Variants in C19orf38 observed in about 807,000 individuals in gnomAD.
C19orf38 encodes the protein protein HIDE1.
In C19orf38, 14 loss-of-function variants were observed where a neutral mutation model predicts 26.6. The observed-to-expected ratio is 0.53, with a 90% confidence interval of 0.35 to 0.82. C19orf38 has a LOEUF of 0.82. Ranked by LOEUF, C19orf38 falls within the 40% of genes least tolerant of loss-of-function variation. The pLI is 0.01. For synonymous variants in C19orf38, 132 were observed against 128.5 expected, an observed-to-expected ratio of 1.03 and a Z score of -0.18; for missense variants, 261 against 299.5, an observed-to-expected ratio of 0.87 and a Z score of 0.95.
At chr19:10,847,920 C>T (rs536373760), upstream of C19orf38, among the ~76,000 whole-genome samples, 24 of 151,950 alleles carry the variant, frequency 1.6e-4, no homozygotes, top group South Asian at 4.0e-3. Flanking sequence ...AGGCTGGGCA[C>T]GGTGGCTCAC....
chr19:10,859,108 T>C (rs2073661990), intron 4 of C19orf38, among the ~76,000 whole-genome samples: 1 of 150,154 alleles, frequency 6.7e-6, no homozygotes. Context: ...CGGCTAATTT[T>C]GTATTTTTAG....
intron 3 of C19orf38, 90 bp from the exon 4 acceptor site, chr19:10,858,226 T>TTAAA: frequency 3.1e-6 from 1 of 320,732 alleles, no homozygotes; most frequent in Non-Finnish European, 4.6e-6. Context: ...AGACTCTGTC[T>TTAAA]AAAAAAAAAA....
intron 1 of C19orf38, among the ~76,000 whole-genome samples, chr19:10,849,867 C>A (rs1480891068): frequency 1.3e-5 from 2 of 150,472 alleles, no homozygotes; most frequent in East Asian, 2.3e-4. Context: ...GAGTTCGAGA[C>A]CAGTCTGGCC....
At chr19:10,857,603 A>G (rs1020157780) in intron 3 of C19orf38, among the ~76,000 whole-genome samples, 7 of 151,160 alleles carry the variant, frequency 4.6e-5, no homozygotes, top group African/African-American at 1.7e-4. Flanking sequence ...TAGTGGAGAC[A>G]GGGTTTCACC....
intron 6 of C19orf38, among the ~76,000 whole-genome samples, chr19:10,867,877 T>C (rs1393371378): frequency 6.6e-6 from 1 of 151,830 alleles, no homozygotes; most frequent in East Asian, 2.0e-4. Context: ...GGTCTTGAAC[T>C]CCTGACCTCA....
In C19orf38 at chr19:10,863,212, G is replaced by A; in HGVS notation, c.543+5G>A. 5.2e-6 allele frequency: 8 copies of A among 1,551,236 alleles called. No individual in the cohort carries two copies. The highest frequency in any genetic ancestry group is 7.0e-6 in the Non-Finnish European group (8 of 1,146,646). ...TCCCTGTTTACCGTCTCCGCGGTGA[G>A]TGGTTCTTTTTCTTGGAACCGGTTT... On this transcript the variant is annotated splice_donor_5th_base_variant and intron_variant, in intron 6 of 6. Transcript: ENST00000397820.
At chr19:10,846,096 C>T (rs2073514176), upstream of C19orf38, among the ~76,000 whole-genome samples, 1 of 149,438 alleles carries the variant, frequency 6.7e-6, no homozygotes, top group Admixed American at 6.7e-5. Context: ...ATGGGATGAT[C>T]TCTTGAGCCC....
chr19:10,867,560 T>A (rs1175043193), intron 6 of C19orf38, among the ~76,000 whole-genome samples: 1 of 144,040 alleles, frequency 6.9e-6, no homozygotes, highest in African/African-American at 2.6e-5. Context: ...GGAGTTGCTG[T>A]GAGCTGAGAT....
upstream of C19orf38, among the ~76,000 whole-genome samples, chr19:10,846,375 T>A (rs189374890): frequency 0.046 from 6,886 of 150,478 alleles, 187 homozygotes; most frequent in Middle Eastern, 0.086. Context: ...TAAAAAAAAT[T>A]TTTTTTTAAT....
At chr19:10,839,769 C>G (rs1489879050) in intron 1 of C19orf38, among the ~76,000 whole-genome samples, 3 of 143,520 alleles carry the variant, frequency 2.1e-5, no homozygotes, top group Admixed American at 7.1e-5. Flanking sequence ...CGCTGTGTTA[C>G]TCAAGCTGGA....
At chr19:10,855,400 C>T (rs890188081) in intron 2 of C19orf38, among the ~76,000 whole-genome samples, 3 of 152,128 alleles carry the variant, frequency 2.0e-5, no homozygotes, top group East Asian at 1.9e-4. Flanking sequence ...TGCAGTAGCA[C>T]GATCTCAGCT....
At chr19:10,858,263 C>T (rs897068080) in intron 3 of C19orf38, 53 bp from the exon 4 acceptor site, 31 of 964,268 alleles carry the variant, frequency 3.2e-5, no homozygotes, top group African/African-American at 6.8e-5. Context: ...CAGAAATTGC[C>T]GGATACAATT....
chr19:10,858,445 G>A (rs1178101320), intron 4 of C19orf38, 102 bp downstream of exon 4: 4 of 1,154,690 alleles, frequency 3.5e-6, no homozygotes, highest in African/African-American at 3.2e-5. Flanking sequence ...GCGCCTCCTG[G>A]TGGGCATGCT....
chr19:10,859,370 ATATATATATATATATTTTTT>A (rs1469737725), intron 4 of C19orf38, among the ~76,000 whole-genome samples: 1 of 77,684 alleles, frequency 1.3e-5, no homozygotes, highest in African/African-American at 8.5e-5. Context: ...ATATATATAT[ATATATATATATATATTTTTT>A]TTTTTTTTTT....
intron 6 of C19orf38, among the ~76,000 whole-genome samples, chr19:10,865,213 T>G (rs11879981): frequency 0.42 from 64,327 of 151,878 alleles, 13,660 homozygotes; most frequent in East Asian, 0.57. Context: ...GTGCAGTGGC[T>G]TGATCTCACT....
chr19:10,869,211 GA>G lies in C19orf38; in HGVS notation c.544-6del. The stretch of plus-strand genomic sequence containing the variant: ...CCACTTCTGTGTTTCTTCTTACATG[GA>G]CAAAGAAAACGATGCCAGAAGAAGA... On this transcript the variant is annotated splice_region_variant and splice_polypyrimidine_tract_variant and intron_variant, in intron 6 of 6. Transcript: ENST00000397820. 1.3e-6 allele frequency: 2 copies of G among 1,551,596 alleles called. No homozygotes were observed. The highest frequency in any genetic ancestry group is 1.7e-6 in the Non-Finnish European group (2 of 1,146,958).
At chr19:10,860,837 T>A (rs2073690699) in intron 5 of C19orf38, among the ~76,000 whole-genome samples, 2 of 84,648 alleles carry the variant, frequency 2.4e-5, no homozygotes, top group South Asian at 8.5e-4. Context: ...CGAGACTCCA[T>A]CTCAAAAAAA....
Position 10,856,359 on chromosome 19 carries a change from T to G in C19orf38, c.433+2T>G. 1 of 1,550,214 alleles carries G rather than the reference T, an allele frequency of 6.5e-7. No individual in the cohort carries two copies. The highest frequency in any genetic ancestry group is 8.7e-7 in the Non-Finnish European group (1 of 1,145,834). On this transcript the variant is annotated splice_donor_variant, in intron 3 of 6. Coordinates refer to ENST00000397820, the MANE Select transcript of C19orf38 (RefSeq NM_001136482.3). LOFTEE classifies it high-confidence loss of function. ...CTGTTGCCCTGGTGGTCAGAAAAGG[T>G]AACAGCACGCAAAGCCTGGCACACA...
At chr19:10,843,270 C>A (rs2073492363) in intron 1 of C19orf38, among the ~76,000 whole-genome samples, 1 of 152,220 alleles carries the variant, frequency 6.6e-6, no homozygotes, top group African/African-American at 2.4e-5. Flanking sequence ...AAGACAGATT[C>A]TCTGTCCAGT....
Sources: gnomAD v4.1 joint callset for allele counts (sites outside exome capture counted in the v4.1 genomes callset) on GRCh38, gnomAD v4.1.1 for gene constraint, MANE v1.5 for transcripts, NCBI Gene and HGNC (gene_info 2026-07-23, HGNC 2026-07-21) for gene names.